CEP120: variants seen among roughly 807,000 people sequenced by gnomAD.
CEP120 encodes the protein centrosomal protein 120.
Under a neutral mutation model 126.5 loss-of-function variants are expected in CEP120, and 113 were observed. The observed-to-expected ratio is 0.89, with a 90% CI of 0.77 to 1.04. The LOEUF (loss-of-function observed/expected upper bound fraction) is 1.04, where lower values mean the gene tolerates loss of function less well. Among genes scored for constraint, CEP120 ranks in the 50% least tolerant of loss-of-function variants. The pLI is 0.00. For missense variants in CEP120, 1,230 were observed against 1,155.7 expected (o/e 1.06, Z -0.93); for synonymous variants, 400 against 394.3 (o/e 1.01, Z -0.17).
At position 123,399,473 on chromosome 5, in the gene CEP120, T is replaced by C. The variant is rs1351284289; in HGVS notation, c.464-189A>G. On this transcript the variant is annotated intron_variant, in intron 4 of 19. Transcript: ENST00000306467. ...TTACTTAACCAGCATTGTCTTTCTG[T>C]ATGTAAAAGTAAAATTCTGGAGTAA... Among the ~76,000 whole-genome samples, 5 of 152,194 alleles carry C rather than the reference T, an allele frequency of 3.3e-5. No individual in the cohort carries two copies. The East Asian group carries it at 9.6e-4, about 29-fold the overall frequency.
chr5:123,407,736 A>G (rs1423785402), intron 4 of CEP120, among the ~76,000 whole-genome samples: 1 of 152,202 alleles, frequency 6.6e-6, no homozygotes, highest in East Asian at 1.9e-4. Flanking sequence ...GGATATCTAT[A>G]GACCACTTCA....
At chr5:123,354,353 C>T (rs974183077) in intron 18 of CEP120, among the ~76,000 whole-genome samples, 6 of 152,068 alleles carry the variant, frequency 3.9e-5, no homozygotes, top group Non-Finnish European at 7.4e-5. Context: ...TCCATGTGCA[C>T]TAGAAAATAG....
rs1772286533 is a variant in CEP120, at chr5:123,390,018, T to C, written c.1161A>G (p.Pro387=). 14 of 1,614,178 alleles carry C rather than the reference T, an allele frequency of 8.7e-6. No homozygotes were observed. The highest frequency in any genetic ancestry group is 1.1e-5 in the Non-Finnish European group (13 of 1,180,010). ...TTGTTGGAGGTGACTGGTTGTGAGA[T>C]GGAACAGGGGACACTGTTGGTGATT... is the stretch of plus-strand genomic sequence containing the variant. ...GPKSPTVSPV[P]SHNQSPPTKD... is the part of the protein sequence containing the mutation. The change falls in exon 8 of 20, where the codon CCA becomes CCG. Residue 387 remains proline, a synonymous_variant. Transcript: ENST00000306467.
chr5:123,416,310 C>G (rs901614109), intron 2 of CEP120, among the ~76,000 whole-genome samples, 186 bp from the exon 3 acceptor site: 2 of 152,052 alleles, frequency 1.3e-5, no homozygotes, highest in Non-Finnish European at 2.9e-5. Context: ...CGCCTGTAAT[C>G]CCAGCACTTT....
intron 6 of CEP120, among the ~76,000 whole-genome samples, chr5:123,392,288 T>C (rs903605864): frequency 1.3e-5 from 2 of 152,242 alleles, no homozygotes; most frequent in Non-Finnish European, 2.9e-5. Context: ...TTTCCCTGCA[T>C]GTCACCATTT....
intron 17 of CEP120, among the ~76,000 whole-genome samples, chr5:123,367,265 C>CTT: frequency 6.6e-6 from 1 of 151,996 alleles, no homozygotes; most frequent in East Asian, 1.9e-4. Flanking sequence ...ACCAAATATT[C>CTT]TTACATACAT....
chr5:123,375,231 C>T (rs1433919596), intron 16 of CEP120, among the ~76,000 whole-genome samples: 1 of 152,056 alleles, frequency 6.6e-6, no homozygotes, highest in Non-Finnish European at 1.5e-5. Context: ...AAGTGTGCTC[C>T]AAGTAATTTT....
At chr5:123,386,974 T>A (rs1772074479) in intron 9 of CEP120, among the ~76,000 whole-genome samples, 1 of 152,154 alleles carries the variant, frequency 6.6e-6, no homozygotes, top group African/African-American at 2.4e-5. Flanking sequence ...TCCTGATTTT[T>A]TATGGGATAA....
chr5:123,416,520 G>A (rs765300559), intron 2 of CEP120, among the ~76,000 whole-genome samples: 49 of 151,936 alleles, frequency 3.2e-4, no homozygotes, highest in Non-Finnish European at 5.3e-4. Flanking sequence ...GCAGTGAGCC[G>A]AGATCGCGCC....
intron 11 of CEP120, among the ~76,000 whole-genome samples, chr5:123,384,340 T>C (rs979252568): frequency 6.6e-6 from 1 of 152,096 alleles, no homozygotes; most frequent in Non-Finnish European, 1.5e-5. Context: ...ATATGATATA[T>C]AATGTTAAGT....
At position 123,354,629 on chromosome 5, in the gene CEP120, C is replaced by A. The variant is rs942471317; in HGVS notation, c.2581-4540G>T. Among the ~76,000 whole-genome samples the A allele has an allele frequency of 2.4e-4, 36 of 152,098 alleles. 1 individual carries two copies. The highest frequency in any genetic ancestry group is 6.0e-4 in the African/African-American group (25 of 41,500). ...CAGGTGGATTAACCCCCTTTTATAA[C>A]TATGAAAACTCCCTTTACCTACAGT... On this transcript the variant is annotated intron_variant, in intron 18 of 19. Coordinates refer to ENST00000306467, the MANE Select transcript of CEP120 (RefSeq NM_001375405.1).
chr5:123,402,223 C>G (rs1351382110), intron 4 of CEP120: 5 of 1,532,182 alleles, frequency 3.3e-6, no homozygotes, highest in Non-Finnish European at 4.5e-6. Context: ...CTGCTGCCCA[C>G]TTGGGAGAAG....
At chr5:123,415,985 T>G in intron 3 of CEP120, 25 bp downstream of exon 3, 1 of 1,434,596 alleles carries the variant, frequency 7.0e-7, no homozygotes, top group Non-Finnish European at 9.8e-7. Context: ...ACATAATCAT[T>G]AGCAAAACAT....
At chr5:123,350,373 GCCCAC>G (rs994606272) in intron 18 of CEP120, among the ~76,000 whole-genome samples, 1 of 152,070 alleles carries the variant, frequency 6.6e-6, no homozygotes, top group Non-Finnish European at 1.5e-5. Context: ...CAAGGTGTGT[GCCCAC>G]CCTTGCACTG....
rs1421931952 is a variant in CEP120, at chr5:123,393,308, T to C, written c.802A>G (p.Lys268Glu). 3.1e-6 allele frequency: 5 copies of C among 1,614,148 alleles called. No homozygotes were observed. In the South Asian group the frequency reaches 5.5e-5, roughly 18 times the overall value. Residue 268 changes from lysine to glutamate, a missense_variant, in exon 6 of 20, where the codon AAA becomes GAA. Transcript: ENST00000306467. Reference protein sequence around the residue: ...ILRVYLALQSKLQIHLCCGDQ... With the variant: ...ILRVYLALQSELQIHLCCGDQ... ...TTTGCTGCAATACTCACCTGCAGTT[T>C]AGACTGAAGAGCCAGGTAAACACGA... is the stretch of plus-strand genomic sequence containing the variant.
intron 18 of CEP120, among the ~76,000 whole-genome samples, chr5:123,352,638 C>T (rs1379457041): frequency 6.6e-6 from 1 of 151,982 alleles, no homozygotes; most frequent in Non-Finnish European, 1.5e-5. Flanking sequence ...TCTACATTTG[C>T]TTATTCTTCA....
intron 4 of CEP120, among the ~76,000 whole-genome samples, chr5:123,408,918 A>T (rs1276451046): frequency 1.3e-5 from 2 of 152,182 alleles, no homozygotes; most frequent in Non-Finnish European, 2.9e-5. Context: ...GTATAAAAAG[A>T]ATAATAGGCC....
chr5:123,397,311 C>T (rs1413101706), intron 5 of CEP120, among the ~76,000 whole-genome samples: 2 of 151,918 alleles, frequency 1.3e-5, no homozygotes, highest in African/African-American at 2.4e-5. Context: ...GTGACAAGAG[C>T]GAGGCTCCAC....
chr5:123,367,432 A>G (rs900778051), intron 17 of CEP120, among the ~76,000 whole-genome samples: 1 of 151,926 alleles, frequency 6.6e-6, no homozygotes, highest in East Asian at 1.9e-4. Flanking sequence ...GTATGTATAT[A>G]TATCCCTAAT....
Sources: allele counts gnomAD v4.1 joint callset (sites outside exome capture counted in the v4.1 genomes callset), GRCh38; gene constraint gnomAD v4.1.1; transcripts MANE v1.5; gene names NCBI Gene and HGNC (gene_info 2026-07-23, HGNC 2026-07-21).